Variants in GLRA3 observed in about 807,000 individuals in gnomAD.
The protein encoded by GLRA3 is glycine receptor alpha 3, also known as glycine receptor subunit alpha-3.
In GLRA3, 44 loss-of-function variants were observed where a neutral mutation model predicts 60.4. That is an observed-to-expected ratio of 0.73 (90% CI 0.57 to 0.94). The LOEUF (loss-of-function observed/expected upper bound fraction) is 0.94, where lower values mean the gene tolerates loss of function less well. GLRA3 is among the 40% of genes least tolerant of loss of function. GLRA3 has a pLI of 0.00. For synonymous variants in GLRA3, 223 were observed against 192.9 expected (o/e 1.16, Z -1.29); for missense variants, 508 against 564.6 (o/e 0.90, Z 1.02).
At chr4:174,783,098 A>G (rs1216097718) in intron 2 of GLRA3, among the ~76,000 whole-genome samples, 1 of 152,204 alleles carries the variant, frequency 6.6e-6, no homozygotes, top group African/African-American at 2.4e-5. Context: ...ACAAAACAGC[A>G]TGGTACTGGT....
chr4:174,683,706 C>G (rs561802569), intron 5 of GLRA3, among the ~76,000 whole-genome samples: 1 of 152,118 alleles, frequency 6.6e-6, no homozygotes, highest in Non-Finnish European at 1.5e-5. Flanking sequence ...TAATTATATA[C>G]AGATTGCTCA....
At position 174,643,267 on chromosome 4, in the gene GLRA3, G is replaced by A. The variant is rs887959159; in HGVS notation, c.*519C>T. On this transcript the variant is annotated 3_prime_UTR_variant, in exon 10 of 10. Transcript: ENST00000274093. ...TTTAAAAATTTTCAAAATTACATAT[G>A]TTGTTTAAATAGTATTTATATGTAC... is the stretch of plus-strand genomic sequence containing the variant. 8.0e-6 allele frequency: 5 copies of A among 625,988 alleles called. No individual in the cohort carries two copies. Among genetic ancestry groups the A allele is most frequent in the Non-Finnish European group, 9.9e-6 (5 of 503,456 alleles). The allele number at this position is 625,988 out of a possible 1,614,324, so 38.8% of individuals were successfully genotyped here.
At chr4:174,725,050 A>C (rs542542523) in intron 4 of GLRA3, among the ~76,000 whole-genome samples, 2 of 152,382 alleles carry the variant, frequency 1.3e-5, no homozygotes, top group South Asian at 4.1e-4. Flanking sequence ...CGCCATTTGC[A>C]AAATGTATTA....
chr4:174,814,322 G>A (rs937315233), intron 1 of GLRA3, among the ~76,000 whole-genome samples: 1 of 152,150 alleles, frequency 6.6e-6, no homozygotes, highest in African/African-American at 2.4e-5. Context: ...GAGCTGGAAA[G>A]GGGATGAAGT....
chr4:174,639,590 G>C lies in GLRA3; in HGVS notation c.*4196C>G, dbSNP rs185336934. On this transcript the variant is annotated 3_prime_UTR_variant, in exon 10 of 10. Transcript: ENST00000274093. ...CTGCCCTAGTTCCGTTTAAATTGTA[G>C]AGAGTTATATTTTACACATGGCCTA... 7.9e-5 allele frequency: 12 copies of C among 152,142 alleles called. No individual in the cohort carries two copies. Among genetic ancestry groups the C allele is most frequent in the African/African-American group, 2.9e-4 (12 of 41,530 alleles). 9.4% of individuals were successfully genotyped at this position (152,142 alleles called of 1,614,324 possible).
chr4:174,759,714 G>A (rs1737867267), intron 3 of GLRA3, among the ~76,000 whole-genome samples: 1 of 152,008 alleles, frequency 6.6e-6, no homozygotes, highest in South Asian at 2.1e-4. Context: ...TATCAGTGCA[G>A]GCATAGACAA....
At chr4:174,794,149 T>TA (rs893014008) in intron 1 of GLRA3, among the ~76,000 whole-genome samples, 5 of 152,010 alleles carry the variant, frequency 3.3e-5, no homozygotes, top group Admixed American at 2.0e-4. Context: ...AATAAGAAAA[T>TA]AAAAAAATCA....
At chr4:174,825,828 C>G (rs192911175) in intron 1 of GLRA3, among the ~76,000 whole-genome samples, 1 of 151,996 alleles carries the variant, frequency 6.6e-6, no homozygotes, top group South Asian at 2.1e-4. Context: ...TACTTTAGTG[C>G]TTTTATGTTT....
intron 7 of GLRA3, among the ~76,000 whole-genome samples, chr4:174,665,237 C>CTTTTTTTTTTTTT (rs34499494): frequency 7.8e-6 from 1 of 127,488 alleles, no homozygotes; most frequent in Non-Finnish European, 1.6e-5. Flanking sequence ...TTTGTATTTA[C>CTTTTTTTTTTTTT]TTTTTTTTTT....
intron 3 of GLRA3, among the ~76,000 whole-genome samples, chr4:174,747,107 T>G (rs1439090488): frequency 6.6e-6 from 1 of 152,216 alleles, no homozygotes; most frequent in East Asian, 1.9e-4. Context: ...CCAATTATTC[T>G]GGCTTCTGCC....
At chr4:174,804,729 C>T (rs756964928) in intron 1 of GLRA3, among the ~76,000 whole-genome samples, 5 of 152,212 alleles carry the variant, frequency 3.3e-5, no homozygotes, top group African/African-American at 7.2e-5. Flanking sequence ...CTGCACAGAA[C>T]GCGCGGTCCT....
chr4:174,718,959 CTTTTTTTTTTTTT>C (rs10656765), intron 4 of GLRA3, among the ~76,000 whole-genome samples: 2 of 81,082 alleles, frequency 2.5e-5, no homozygotes, highest in African/African-American at 9.8e-5. Flanking sequence ...AGATTTCGTG[CTTTTTTTTTTTTT>C]TTTTTTTTTT....
intron 3 of GLRA3, among the ~76,000 whole-genome samples, chr4:174,761,962 A>C (rs1737958356): frequency 6.6e-6 from 1 of 152,180 alleles, no homozygotes; most frequent in Non-Finnish European, 1.5e-5. Flanking sequence ...ATAAGTAAAG[A>C]AGTGATTTGT....
intron 5 of GLRA3, among the ~76,000 whole-genome samples, chr4:174,684,126 T>C (rs1039062851): frequency 2.0e-5 from 3 of 152,172 alleles, no homozygotes; most frequent in African/African-American, 7.2e-5. Context: ...AATGAAAGCT[T>C]ATTATAGAAC....
chr4:174,815,412 G>A (rs1444294970), intron 1 of GLRA3, among the ~76,000 whole-genome samples: 1 of 152,166 alleles, frequency 6.6e-6, no homozygotes, highest in Non-Finnish European at 1.5e-5. Context: ...GCTCCACTAG[G>A]TGATGTCTCA....
At chr4:174,721,006 T>TG (rs1561076817) in intron 4 of GLRA3, among the ~76,000 whole-genome samples, 74 of 110,896 alleles carry the variant, frequency 6.7e-4, no homozygotes, top group African/African-American at 2.4e-3. Context: ...CTGTGTGAAC[T>TG]TTGTGTGTGT....
chr4:174,757,046 A>T (rs1737745148), intron 3 of GLRA3, among the ~76,000 whole-genome samples: 1 of 152,242 alleles, frequency 6.6e-6, no homozygotes, highest in Non-Finnish European at 1.5e-5. Flanking sequence ...AGCATTGTAC[A>T]GGAGTTCTGA....
intron 7 of GLRA3, among the ~76,000 whole-genome samples, chr4:174,666,236 G>C (rs1181392691): frequency 9.2e-5 from 14 of 152,014 alleles, no homozygotes; most frequent in Non-Finnish European, 1.6e-4. Context: ...TAATGTCAGT[G>C]CACAAAATAC....
At chr4:174,689,996 C>G (rs548788767) in intron 5 of GLRA3, among the ~76,000 whole-genome samples, 1 of 152,050 alleles carries the variant, frequency 6.6e-6, no homozygotes, top group South Asian at 2.1e-4. Flanking sequence ...AATATATGCA[C>G]AACGGAATAC....
Sources: allele counts gnomAD v4.1 joint callset (sites outside exome capture counted in the v4.1 genomes callset), GRCh38; gene constraint gnomAD v4.1.1; transcripts MANE v1.5; gene names NCBI Gene and HGNC (gene_info 2026-07-23, HGNC 2026-07-21).